Variants in BRSK2 observed in about 807,000 individuals in gnomAD.
The protein encoded by BRSK2 is serine/threonine-protein kinase BRSK2.
BRSK2 carries 19 observed loss-of-function variants against 83.3 expected under a neutral mutation model. The ratio of observed to expected loss-of-function variants is 0.23; its 90% CI spans 0.16 to 0.33. BRSK2 has a LOEUF of 0.33. BRSK2 is among the 10% of genes least tolerant of loss of function. The pLI, the probability that BRSK2 is intolerant of heterozygous loss-of-function variation, is 1.00. For synonymous variants in BRSK2, 519 were observed against 435.4 expected, an observed-to-expected ratio of 1.19 and a Z score of -2.39; for missense variants, 798 against 1,042.3, an observed-to-expected ratio of 0.77 and a Z score of 3.23.
chr11:1,407,134 C>G (rs112001047), intron 1 of BRSK2, among the ~76,000 whole-genome samples: 1 of 152,152 alleles, frequency 6.6e-6, no homozygotes, highest in Non-Finnish European at 1.5e-5. Context: ...AGGTGCAGAG[C>G]GGAGGGAGCT....
At chr11:1,455,848 T>G (rs1262126434) in intron 16 of BRSK2, among the ~76,000 whole-genome samples, 1 of 152,038 alleles carries the variant, frequency 6.6e-6, no homozygotes, top group African/African-American at 2.4e-5. Flanking sequence ...CCCTCGGTAC[T>G]GTGAAGCCCA....
rs1231411192 is a variant in BRSK2 at position 1,459,249 on chromosome 11, C to A, written c.1987+10C>A. ...CGGCTTTCCAAATGTGGTAAGAATC[C>A]CCCACGCTCACCTGGCACCTCCACC... is the stretch of plus-strand genomic sequence containing the variant. On this transcript the variant is annotated intron_variant, in intron 19 of 19. Coordinates refer to ENST00000528841, the MANE Select transcript of BRSK2 (RefSeq NM_001256627.2). 7 of 1,613,508 alleles carry A rather than the reference C, an allele frequency of 4.3e-6. No homozygotes were observed. The highest frequency in any genetic ancestry group is 5.1e-6 in the Non-Finnish European group (6 of 1,179,704).
chr11:1,401,843 C>A (rs1478668955), intron 1 of BRSK2, among the ~76,000 whole-genome samples: 3 of 152,232 alleles, frequency 2.0e-5, no homozygotes, highest in Non-Finnish European at 4.4e-5. Context: ...CCTGCCTTGG[C>A]GCTGGGTCCT....
At position 1,440,932 on chromosome 11, in the gene BRSK2, AG is replaced by A. The variant is rs61002819; in HGVS notation, c.413+6del. The A allele has an allele frequency of 0.47, 751,380 of 1,600,738 alleles. 183,162 individuals carry two copies. The highest frequency in any genetic ancestry group is 0.57 in the African/African-American group (41,683 of 72,984). On this transcript the variant is annotated splice_donor_5th_base_variant and intron_variant, in intron 4 of 19. Coordinates refer to ENST00000528841, the MANE Select transcript of BRSK2 (RefSeq NM_001256627.2). ...TCTGCCACAGCCACTCCATATGGTG[AG>A]GCCCCACCCCTGGTGCCCCCCACTC... is the stretch of plus-strand genomic sequence containing the variant.
At chr11:1,443,294 TG>T in intron 6 of BRSK2, 40 bp from the exon 7 acceptor site, 1 of 1,575,264 alleles carries the variant, frequency 6.3e-7, no homozygotes. Context: ...GCCCCCGCCC[TG>T]CCCTGCGCCC....
chr11:1,443,430 CCCTGG>C (rs1851620504), intron 7 of BRSK2, 27 bp downstream of exon 7: 5 of 1,586,294 alleles, frequency 3.2e-6, no homozygotes, highest in Non-Finnish European at 3.4e-6. Flanking sequence ...CTCAACCCTG[CCCTGG>C]CCTCTCCCCA....
chr11:1,424,220 A>C (rs1489833408), intron 1 of BRSK2, among the ~76,000 whole-genome samples: 2 of 152,122 alleles, frequency 1.3e-5, no homozygotes, highest in Non-Finnish European at 2.9e-5. Flanking sequence ...GGGGAGCCCC[A>C]CCATTCCCCT....
intron 1 of BRSK2, chr11:1,411,737 C>T: frequency 6.8e-7 from 1 of 1,464,738 alleles, no homozygotes; most frequent in Non-Finnish European, 9.1e-7. Flanking sequence ...CTCGCCAGCA[C>T]TGGTGGGCTG....
At chr11:1,400,692 T>TGTCA (rs1213395096) in intron 1 of BRSK2, among the ~76,000 whole-genome samples, 1 of 152,058 alleles carries the variant, frequency 6.6e-6, no homozygotes, top group East Asian at 1.9e-4. Flanking sequence ...AATGGGCCCC[T>TGTCA]GTCAGCTGTG....
At chr11:1,444,844 A>G in intron 8 of BRSK2, 127 bp from the exon 9 acceptor site, 1 of 464,844 alleles carries the variant, frequency 2.2e-6, no homozygotes, top group Non-Finnish European at 3.5e-6. Context: ...CCTTCCCCCC[A>G]CTCACTTGCC....
rs777999310 is a variant in BRSK2 at position 1,443,558 on chromosome 11, A to G, written c.703A>G (p.Met235Val). 5.6e-6 allele frequency: 9 copies of G among 1,610,732 alleles called. No homozygotes were observed. The highest frequency in any genetic ancestry group is 1.7e-5 in the Admixed American group (1 of 59,850). The part of the protein sequence containing the change: ...LEKVKRGVFH[M>V]PHFIPPDCQS... Reference sequence around the variant, plus strand: ...GAAGGTGAAGCGGGGCGTGTTCCACATGCCGCACTTTATCCCGCCCGACTG... The same window carrying G: ...GAAGGTGAAGCGGGGCGTGTTCCACGTGCCGCACTTTATCCCGCCCGACTG... The change falls in exon 8 of 20, where the codon ATG becomes GTG. Residue 235 changes from methionine to valine, a missense_variant. This residue lies in a region of BRSK2 where 145 missense variants were observed against 225.4 expected (regional missense o/e 0.64). Transcript: ENST00000528841.
rs1845653367 is a variant in BRSK2, at chr11:1,390,487, C to A, written c.91+112C>A. ...GCGAAGCCGCAGGCCCGGCCCGGGCCCCGGCCGCGAACAATGGGCGGCCCG... is the reference window on the plus strand; with the variant it reads ...GCGAAGCCGCAGGCCCGGCCCGGGCACCGGCCGCGAACAATGGGCGGCCCG... On this transcript the variant is annotated intron_variant, in intron 1 of 19. Transcript: ENST00000528841. This position sits in a 1 kb window ranked among gnomAD's most constrained non-coding sequence, Gnocchi z 6.8. 1 of 504,272 alleles carries A rather than the reference C, an allele frequency of 2.0e-6. No individual in the cohort carries two copies. Among genetic ancestry groups the A allele is most frequent in the Non-Finnish European group, 2.5e-6 (1 of 392,446 alleles). The allele number at this position is 504,272 out of a possible 1,614,324, so 31.2% of individuals were successfully genotyped here. A position where few individuals can be genotyped will look rare whatever the true frequency, so the allele number is the denominator to read the frequency against.
At chr11:1,456,193 C>T (rs567953863) in intron 16 of BRSK2, among the ~76,000 whole-genome samples, 155 bp from the exon 17 acceptor site, 2 of 152,304 alleles carry the variant, frequency 1.3e-5, no homozygotes, top group East Asian at 1.9e-4. Flanking sequence ...CTGCTCCAGC[C>T]GTCTCCAACC....
At chr11:1,401,575 G>A (rs901225594) in intron 1 of BRSK2, among the ~76,000 whole-genome samples, 1 of 152,218 alleles carries the variant, frequency 6.6e-6, no homozygotes, top group Non-Finnish European at 1.5e-5. Context: ...GAGCCCCTTC[G>A]GGCCCATGCC....
rs1467955623 is a variant in BRSK2, at chr11:1,459,230, T to C, written c.1978T>C (p.Ser660Pro). The change falls in exon 19 of 20, where the codon TCC becomes CCC. Residue 660 changes from serine (S) to proline (P), a missense_variant. Transcript: ENST00000528841. ...TATGGAAATGATGACGGGGCGGCTT[T>C]CCAAATGTGGTAAGAATCCCCCACG... ...NCMEMMTGRLSKCGSPLSNFF... is the reference protein window; with the variant it reads ...NCMEMMTGRLPKCGSPLSNFF... The C allele has an allele frequency of 1.2e-6, 2 of 1,613,758 alleles. No homozygotes were observed. The highest frequency in any genetic ancestry group is 1.1e-5 in the South Asian group (1 of 91,084).
intron 1 of BRSK2, among the ~76,000 whole-genome samples, chr11:1,419,141 C>T (rs1302077849): frequency 1.6e-5 from 2 of 128,512 alleles, no homozygotes; most frequent in African/African-American, 6.2e-5. Context: ...AGTCTGGGCA[C>T]TGGTGGCGGG....
chr11:1,436,903 G>C (rs940478890), intron 2 of BRSK2, among the ~76,000 whole-genome samples: 1 of 152,048 alleles, frequency 6.6e-6, no homozygotes, highest in African/African-American at 2.4e-5. Flanking sequence ...AAGGTGCTAA[G>C]GGTTGGGGAC....
rs546501173 is a variant in BRSK2 at position 1,447,760 on chromosome 11, C to T, written c.1226+1853C>T. On this transcript the variant is annotated intron_variant, in intron 12 of 19. Coordinates refer to ENST00000528841, the MANE Select transcript of BRSK2 (RefSeq NM_001256627.2). ...GGGCCGACCTGTGCCCGCGTGTGGCCGTCAGTAACTGTGTTTTCTCGCTCT... is the reference window on the plus strand; with the variant it reads ...GGGCCGACCTGTGCCCGCGTGTGGCTGTCAGTAACTGTGTTTTCTCGCTCT... 1.1e-5 allele frequency: 18 copies of T among 1,581,922 alleles called. 1 individual carries two copies. Among genetic ancestry groups the T allele is most frequent in the South Asian group, 3.4e-5 (3 of 88,668 alleles).
chr11:1,440,947 TG>T lies in BRSK2; in HGVS notation c.413+20del, dbSNP rs1851139607. On this transcript the variant is annotated intron_variant, in intron 4 of 19. Coordinates refer to ENST00000528841, the MANE Select transcript of BRSK2 (RefSeq NM_001256627.2). ...CCATATGGTGAGGCCCCACCCCTGG[TG>T]CCCCCCACTCCCCAGGGACCCCCAC... 6.3e-7 allele frequency: 1 copy of T among 1,599,484 alleles called. No individual in the cohort carries two copies.
Sources: allele counts gnomAD v4.1 joint callset (sites outside exome capture counted in the v4.1 genomes callset), GRCh38; gene constraint gnomAD v4.1.1; regional missense constraint gnomAD v4.1.1; non-coding constraint Gnocchi (gnomAD v3.1); transcripts MANE v1.5; gene names NCBI Gene and HGNC (gene_info 2026-07-23, HGNC 2026-07-21).